Variants in ZPBP observed in about 807,000 individuals in gnomAD.
The protein encoded by ZPBP is zona pellucida-binding protein 1.
In ZPBP, 26 loss-of-function variants were observed where a neutral mutation model predicts 44.8. That is an observed-to-expected ratio of 0.58 (90% CI 0.43 to 0.81). The LOEUF (loss-of-function observed/expected upper bound fraction) is 0.81. Ranked by LOEUF, ZPBP falls within the 30% of genes least tolerant of loss-of-function variation. The probability of loss-of-function intolerance (pLI) is 0.00; values close to 1 mark genes in which losing one functional copy is unlikely to be tolerated. For missense variants in ZPBP, 409 were observed against 434.0 expected (o/e 0.94, Z 0.51); for synonymous variants, 174 against 153.2 (o/e 1.14, Z -1.00).
chr7:49,910,568 T>G (rs1479008157), intron 1 of ZPBP, among the ~76,000 whole-genome samples: 2 of 151,400 alleles, frequency 1.3e-5, no homozygotes, highest in African/African-American at 4.9e-5. Flanking sequence ...GAATGAGATC[T>G]ACAGGTATGA....
chr7:50,035,099 AT>A (rs2128813868), intron 4 of ZPBP, among the ~76,000 whole-genome samples: 1 of 152,328 alleles, frequency 6.6e-6, no homozygotes, highest in African/African-American at 2.4e-5. Context: ...TTTTACTATC[AT>A]CCCACATTTT....
At chr7:50,050,378 A>C (rs1046995633) in intron 4 of ZPBP, among the ~76,000 whole-genome samples, 3 of 152,062 alleles carry the variant, frequency 2.0e-5, no homozygotes, top group Non-Finnish European at 4.4e-5. Context: ...ACAGTGTAGC[A>C]CTGGTAGAGG....
At chr7:49,907,143 ATGT>A (rs1162879699) in intron 1 of ZPBP, among the ~76,000 whole-genome samples, 1 of 152,196 alleles carries the variant, frequency 6.6e-6, no homozygotes, top group African/African-American at 2.4e-5. Context: ...ATTAAGAAGT[ATGT>A]TACCTTTTGT....
intron 2 of ZPBP, among the ~76,000 whole-genome samples, chr7:49,866,442 A>G (rs1034240333): frequency 2.6e-5 from 4 of 152,180 alleles, no homozygotes; most frequent in African/African-American, 9.7e-5. Flanking sequence ...TTGCGAGTGC[A>G]GTAGTGAGCC....
chr7:49,966,597 T>C (rs1796071733), intron 7 of ZPBP, among the ~76,000 whole-genome samples: 1 of 151,984 alleles, frequency 6.6e-6, no homozygotes, highest in Non-Finnish European at 1.5e-5. Flanking sequence ...AACCAAATGC[T>C]CAAAGAAAAA....
downstream of ZPBP, among the ~76,000 whole-genome samples, chr7:49,935,599 A>C (rs62445818): frequency 6.6e-6 from 1 of 152,036 alleles, no homozygotes; most frequent in Admixed American, 6.5e-5. Flanking sequence ...GGGTTTCACC[A>C]TGTTGGCCAG....
At chr7:49,978,890 TC>T (rs1387168245) in intron 7 of ZPBP, among the ~76,000 whole-genome samples, 1 of 152,002 alleles carries the variant, frequency 6.6e-6, no homozygotes, top group African/African-American at 2.4e-5. Context: ...ATTATTATTA[TC>T]CTATGGGGTC....
chr7:50,057,105 A>G (rs1337246130), intron 4 of ZPBP, among the ~76,000 whole-genome samples: 1 of 151,748 alleles, frequency 6.6e-6, no homozygotes, highest in Non-Finnish European at 1.5e-5. Context: ...GAATTGCTTG[A>G]ACCCAGGAGG....
At chr7:50,038,295 T>C (rs1799910656) in intron 4 of ZPBP, among the ~76,000 whole-genome samples, 1 of 152,122 alleles carries the variant, frequency 6.6e-6, no homozygotes, top group Admixed American at 6.6e-5. Context: ...TTCACTTGCG[T>C]GTAAGTGTAG....
intron 2 of ZPBP, among the ~76,000 whole-genome samples, chr7:49,887,344 T>C (rs1031093816): frequency 6.6e-6 from 1 of 152,244 alleles, no homozygotes; most frequent in African/African-American, 2.4e-5. Context: ...ATTTGTTTTA[T>C]GTTTGCCTCC....
intron 3 of ZPBP, among the ~76,000 whole-genome samples, chr7:50,069,340 C>T (rs539312631): frequency 2.8e-4 from 42 of 152,186 alleles, no homozygotes; most frequent in African/African-American, 8.4e-4. Context: ...ATTGGCTTGG[C>T]GGTGCTACAA....
At position 49,955,690 on chromosome 7, in the gene ZPBP, G is replaced by C. The variant is rs552571550; in HGVS notation, c.962-18068C>G. 3.1e-3 allele frequency among the ~76,000 whole-genome samples: 466 copies of C among 152,144 alleles called. 6 individuals are homozygous for C. Among genetic ancestry groups the C allele is most frequent in the Admixed American group, 5.8e-3 (89 of 15,264 alleles). ...AGAGAAAATTAATAAACAAAATGCT[G>C]GCTCTTTGAAAGGACTACTACAATT... On this transcript the variant is annotated intron_variant, in intron 7 of 7. Coordinates refer to ENST00000046087, the MANE Select transcript of ZPBP (RefSeq NM_007009.3).
Position 49,942,244 on chromosome 7 carries a change from G to A in ZPBP, c.962-4622C>T, listed in dbSNP as rs148066998. 7 of 192,306 alleles carry A rather than the reference G, an allele frequency of 3.6e-5. No homozygotes were observed. The East Asian group carries it at 5.0e-4, about 14-fold the overall frequency. The allele number at this position is 192,306 out of a possible 1,614,324, so 11.9% of individuals were successfully genotyped here. A position where few individuals can be genotyped will look rare whatever the true frequency, so the allele number is the denominator to read the frequency against. ...TTGTATAATACACAACCTTTTAAAC[G>A]TTACTGCTAATATCTGAATTTTTGT... On this transcript the variant is annotated intron_variant, in intron 7 of 7. Transcript: ENST00000046087.
At chr7:50,031,416 A>C in intron 4 of ZPBP, 106 bp from the exon 5 acceptor site, 1 of 830,868 alleles carries the variant, frequency 1.2e-6, no homozygotes, top group East Asian at 2.7e-5. Context: ...TTCTTGGTAC[A>C]TGTTTTTAGA....
At chr7:50,070,003 C>A (rs1165627300) in intron 3 of ZPBP, among the ~76,000 whole-genome samples, 4 of 152,150 alleles carry the variant, frequency 2.6e-5, no homozygotes, top group Non-Finnish European at 4.4e-5. Context: ...ACACATCTCC[C>A]TTGCCCCAGG....
At chr7:49,986,520 G>A (rs1054079472) in intron 6 of ZPBP, among the ~76,000 whole-genome samples, 11 of 152,160 alleles carry the variant, frequency 7.2e-5, no homozygotes, top group Admixed American at 1.3e-4. Context: ...GTCCAGCTCT[G>A]TTCCAGCCCC....
chr7:50,070,486 G>A (rs956969290), intron 3 of ZPBP, among the ~76,000 whole-genome samples: 1 of 152,198 alleles, frequency 6.6e-6, no homozygotes, highest in Non-Finnish European at 1.5e-5. Flanking sequence ...CTCCCGTGGT[G>A]CGCCTTGGAT....
chr7:50,020,263 T>C, intron 5 of ZPBP, among the ~76,000 whole-genome samples: 1 of 152,226 alleles, frequency 6.6e-6, no homozygotes, highest in Middle Eastern at 3.4e-3. Flanking sequence ...TTCTTACTTT[T>C]GAATCTTTAT....
chr7:49,933,181 T>C (rs1794504879), downstream of ZPBP, among the ~76,000 whole-genome samples: 1 of 152,140 alleles, frequency 6.6e-6, no homozygotes, highest in Non-Finnish European at 1.5e-5. Context: ...AGGAAAATAC[T>C]CACTACATAT....
Sources: gnomAD v4.1 joint callset for allele counts (sites outside exome capture counted in the v4.1 genomes callset) on GRCh38, gnomAD v4.1.1 for gene constraint, MANE v1.5 for transcripts, NCBI Gene and HGNC (gene_info 2026-07-23, HGNC 2026-07-21) for gene names.